The following OPRM1 variants were observed in gnomAD, a reference collection of about 807,000 sequenced individuals.
The protein encoded by OPRM1 is opioid receptor mu 1, also known as mu-type opioid receptor.
OPRM1 carries 27 observed loss-of-function variants against 31.8 expected under a neutral mutation model. That is an observed-to-expected ratio of 0.85 (90% CI 0.63 to 1.17). The LOEUF (loss-of-function observed/expected upper bound fraction) is 1.17. OPRM1 is among the 50% of genes most tolerant of loss of function. OPRM1 has a pLI of 0.00. For missense variants in OPRM1, 536 were observed against 511.1 expected, an observed-to-expected ratio of 1.05 and a Z score of -0.47; for synonymous variants, 196 against 189.9, an observed-to-expected ratio of 1.03 and a Z score of -0.26.
chr6:154,211,656 T>C (rs543311039), intron 3 of OPRM1, among the ~76,000 whole-genome samples: 3 of 152,120 alleles, frequency 2.0e-5, no homozygotes, highest in East Asian at 1.9e-4. Context: ...ATCTGACATA[T>C]TAAAATCAAG....
intron 3 of OPRM1, among the ~76,000 whole-genome samples, chr6:154,201,227 A>C (rs774833164): frequency 3.9e-5 from 6 of 152,220 alleles, no homozygotes; most frequent in Non-Finnish European, 7.3e-5. Flanking sequence ...CAGAGGTGTG[A>C]AAATGGATTA....
chr6:154,234,116 G>T (rs924464235), intron 3 of OPRM1, among the ~76,000 whole-genome samples: 11 of 152,180 alleles, frequency 7.2e-5, no homozygotes, highest in Admixed American at 6.5e-5. Context: ...GCTGAGGCAG[G>T]AAGATTGCTT....
chr6:154,152,347 G>GAAAGAAAAA, intron 3 of OPRM1, among the ~76,000 whole-genome samples: 1 of 65,132 alleles, frequency 1.5e-5, no homozygotes, highest in Non-Finnish European at 3.1e-5. Flanking sequence ...AAGAAAGAAA[G>GAAAGAAAAA]GAAAGAAAGA....
intron 1 of OPRM1, among the ~76,000 whole-genome samples, chr6:154,080,847 ATAT>A (rs1788940559): frequency 6.6e-6 from 1 of 152,068 alleles, no homozygotes; most frequent in Admixed American, 6.5e-5. Context: ...TTAGACAATG[ATAT>A]TATCATCTAT....
intron 3 of OPRM1, among the ~76,000 whole-genome samples, chr6:154,179,265 G>C (rs1800628645): frequency 1.3e-5 from 2 of 152,124 alleles, no homozygotes; most frequent in Non-Finnish European, 1.5e-5. Context: ...ACTACAGCAG[G>C]CTTGTCAAAC....
chr6:154,107,563 G>C (rs1349827574), intron 3 of OPRM1: 2 of 718,574 alleles, frequency 2.8e-6, no homozygotes, highest in Non-Finnish European at 5.2e-6. Flanking sequence ...GAAGAGTCTA[G>C]AGCATTAATT....
Position 154,123,222 on chromosome 6 carries a change from A to G in OPRM1, c.*4501A>G, listed in dbSNP as rs1377837535. On this transcript the variant is annotated 3_prime_UTR_variant, in exon 4 of 4. Coordinates refer to ENST00000330432, the MANE Select transcript of OPRM1 (RefSeq NM_000914.5). ...ATGGGGTGTCTCTAGGCGAGCACAA[A>G]GCATAGCTTCTCTTGTTGTATAATT... is the stretch of plus-strand genomic sequence containing the variant. 1.3e-5 allele frequency among the ~76,000 whole-genome samples: 2 copies of G among 152,192 alleles called. No homozygotes were observed.
At position 154,090,196 on chromosome 6, in the gene OPRM1, C is replaced by G. The variant is rs914204741; in HGVS notation, c.643+18C>G. 6.4e-7 allele frequency: 1 copy of G among 1,558,036 alleles called. No individual in the cohort carries two copies. Among genetic ancestry groups the G allele is most frequent in the African/African-American group, 1.4e-5 (1 of 74,072 alleles). ...CAGGCAAGGTGAGTGATGTTACCAG[C>G]CTGAGGGAAGGAGGGTTCACAGCCT... is the stretch of plus-strand genomic sequence containing the variant. On this transcript the variant is annotated intron_variant, in intron 2 of 3. Transcript: ENST00000330432.
intron 3 of OPRM1, among the ~76,000 whole-genome samples, chr6:154,102,953 A>C (rs1244169609): frequency 6.6e-6 from 1 of 150,864 alleles, no homozygotes; most frequent in Non-Finnish European, 1.5e-5. Flanking sequence ...ATACTCATGG[A>C]AGACAAGAGA....
intron 3 of OPRM1, among the ~76,000 whole-genome samples, chr6:154,117,728 G>T (rs970364752): frequency 2.0e-5 from 3 of 152,104 alleles, no homozygotes; most frequent in African/African-American, 7.2e-5. Context: ...GTCAGCAAGG[G>T]TGTGCAGGGA....
chr6:154,166,895 T>G (rs1392575053), intron 3 of OPRM1, among the ~76,000 whole-genome samples: 2 of 152,230 alleles, frequency 1.3e-5, no homozygotes, highest in African/African-American at 2.4e-5. Flanking sequence ...GATAAAAATT[T>G]TAATATTAAA....
rs116900942 is a variant in OPRM1 at position 154,017,590 on chromosome 6, A to G, written c.-1+6572A>G. On this transcript the variant is annotated intron_variant, in intron 1 of 5. Transcript: ENST00000434900. Reference sequence around the variant, plus strand: ...TGGTTATTCAAGGAAAGTACCCAATACACTGTCTGGCAGACAGTCAAGAAA... The same window carrying G: ...TGGTTATTCAAGGAAAGTACCCAATGCACTGTCTGGCAGACAGTCAAGAAA... Among the ~76,000 whole-genome samples, 453 of 152,250 alleles carry G rather than the reference A, an allele frequency of 3.0e-3. 2 individuals are homozygous for G. Among genetic ancestry groups the G allele is most frequent in the Non-Finnish European group, 4.9e-3 (335 of 68,016 alleles).
At chr6:154,180,416 T>A (rs2657571) in intron 3 of OPRM1, among the ~76,000 whole-genome samples, 11,042 of 49,572 alleles carry the variant, frequency 0.22, 472 homozygotes, top group Non-Finnish European at 0.31. Flanking sequence ...ATATATATAT[T>A]TTTTTTTTAA....
In OPRM1 at chr6:154,217,824, A is replaced by T. The variant is rs566093853; in HGVS notation, c.1165-28869A>T. 2.0e-5 allele frequency among the ~76,000 whole-genome samples: 3 copies of T among 152,334 alleles called. No homozygotes were observed. The East Asian group carries it at 5.8e-4, about 29-fold the overall frequency. ...AGTGAAATAGGGAAAATATTTTTTTAAAGAGACAAAAAAATTGTTTTCACT... is the reference window on the plus strand; with the variant it reads ...AGTGAAATAGGGAAAATATTTTTTTTAAGAGACAAAAAAATTGTTTTCACT... On this transcript the variant is annotated intron_variant, in intron 3 of 3. Transcript: ENST00000337049.
chr6:154,152,093 C>T (rs187247951), intron 3 of OPRM1, among the ~76,000 whole-genome samples: 5 of 149,498 alleles, frequency 3.3e-5, no homozygotes, highest in Non-Finnish European at 3.0e-5. Context: ...ACAAGAATTG[C>T]TTGACCCTGG....
chr6:154,179,347 T>A (rs1800635669), intron 3 of OPRM1, among the ~76,000 whole-genome samples: 1 of 152,202 alleles, frequency 6.6e-6, no homozygotes, highest in Non-Finnish European at 1.5e-5. Flanking sequence ...CCTTTTGCTT[T>A]TTATATATTT....
At chr6:154,095,651 A>G (rs2128493088) in intron 3 of OPRM1, among the ~76,000 whole-genome samples, 1 of 152,314 alleles carries the variant, frequency 6.6e-6, no homozygotes, top group South Asian at 2.1e-4. Flanking sequence ...CAGTGCCCTA[A>G]AGAGGTCTTT....
chr6:154,067,911 T>C (rs184494834), intron 1 of OPRM1, among the ~76,000 whole-genome samples: 53 of 152,282 alleles, frequency 3.5e-4, no homozygotes, highest in Admixed American at 7.8e-4. Flanking sequence ...TTTTTTTATT[T>C]ACAAAAAGTT....
intron 3 of OPRM1, among the ~76,000 whole-genome samples, chr6:154,172,600 A>G (rs1799965212): frequency 6.6e-6 from 1 of 152,194 alleles, no homozygotes. Context: ...GGCATCCACC[A>G]TTGCTGAGGC....
Sources: gnomAD v4.1 joint callset for allele counts (sites outside exome capture counted in the v4.1 genomes callset) on GRCh38, gnomAD v4.1.1 for gene constraint, MANE v1.5 for transcripts, NCBI Gene and HGNC (gene_info 2026-07-23, HGNC 2026-07-21) for gene names.